The following SLC17A8 variants were observed in gnomAD, a reference collection of about 807,000 sequenced individuals.
SLC17A8 encodes the protein solute carrier family 17 member 8, also known as vesicular glutamate transporter 3.
A neutral mutation model predicts 58.0 loss-of-function variants in SLC17A8; 31 were observed. That is an observed-to-expected ratio of 0.53 (90% CI 0.40 to 0.72). The LOEUF is 0.72. SLC17A8 is among the 30% of genes least tolerant of loss of function. SLC17A8 has a pLI of 0.00. For synonymous variants in SLC17A8, 228 were observed against 249.0 expected (o/e 0.92, Z 0.79); for missense variants, 655 against 727.8 (o/e 0.90, Z 1.15).
intron 1 of SLC17A8, among the ~76,000 whole-genome samples, chr12:100,367,473 C>T (rs1428745080): frequency 2.0e-5 from 3 of 152,152 alleles, no homozygotes; most frequent in Non-Finnish European, 2.9e-5. Flanking sequence ...AGGATGTAGA[C>T]CTGGACCAAC....
chr12:100,412,633 T>C, intron 9 of SLC17A8, 137 bp from the exon 10 acceptor site: 1 of 572,074 alleles, frequency 1.7e-6, no homozygotes. Flanking sequence ...GAACTTAAAG[T>C]AAAAAAAAAA....
chr12:100,399,416 G>A (rs138636279), intron 5 of SLC17A8, among the ~76,000 whole-genome samples: 4 of 152,172 alleles, frequency 2.6e-5, no homozygotes, highest in African/African-American at 9.7e-5. Flanking sequence ...AGGTCACATT[G>A]TGTATTAGTC....
intron 1 of SLC17A8, among the ~76,000 whole-genome samples, chr12:100,379,858 G>A (rs903306974): frequency 6.6e-6 from 1 of 152,078 alleles, no homozygotes. Context: ...GGTGTGCATT[G>A]TGATAGAAAA....
At chr12:100,364,398 T>C (rs149652418) in intron 1 of SLC17A8, among the ~76,000 whole-genome samples, 65 of 152,320 alleles carry the variant, frequency 4.3e-4, no homozygotes, top group Non-Finnish European at 8.4e-4. Flanking sequence ...CCCTCAGGAA[T>C]TGTGCCATCT....
At chr12:100,389,049 C>G (rs1010773063) in intron 2 of SLC17A8, among the ~76,000 whole-genome samples, 3 of 152,188 alleles carry the variant, frequency 2.0e-5, no homozygotes, top group East Asian at 1.9e-4. Flanking sequence ...GGGACCAGTT[C>G]AATTTTCGGG....
intron 8 of SLC17A8, among the ~76,000 whole-genome samples, 181 bp from the exon 9 acceptor site, chr12:100,403,857 C>T (rs1952808017): frequency 6.6e-6 from 1 of 152,184 alleles, no homozygotes; most frequent in South Asian, 2.1e-4. Flanking sequence ...GGTCTAAAAT[C>T]ATTCGCTCAT....
At position 100,420,156 on chromosome 12, in the gene SLC17A8, C is replaced by G; in HGVS notation, c.1767C>G (p.Ser589=). 1 of 1,610,000 alleles carries G rather than the reference C, an allele frequency of 6.2e-7. No homozygotes were observed. The highest frequency in any genetic ancestry group is 8.5e-7 in the Non-Finnish European group (1 of 1,177,600). Residue 589 remains serine (S), a synonymous_variant, in exon 12 of 12, where the codon TCC becomes TCG. Coordinates refer to ENST00000323346, the MANE Select transcript of SLC17A8 (RefSeq NM_139319.3). ...AAGAGAGAAACTTCTCAACTATATC[C>G]TAATGTCTGAGAGGCACTTCTGTCT... ...QNEERNFSTI[S]
intron 1 of SLC17A8, among the ~76,000 whole-genome samples, chr12:100,377,734 G>A (rs1473379898): frequency 3.3e-5 from 5 of 151,804 alleles, no homozygotes; most frequent in Admixed American, 6.6e-5. Context: ...GACTACAGGC[G>A]CGTGCCACCA....
chr12:100,390,912 T>G, intron 2 of SLC17A8, 89 bp from the exon 3 acceptor site: 1 of 850,934 alleles, frequency 1.2e-6, no homozygotes, highest in Non-Finnish European at 2.1e-6. Context: ...AAAGACCTCA[T>G]GAGGTAATTA....
At chr12:100,375,682 T>A (rs999657798) in intron 1 of SLC17A8, among the ~76,000 whole-genome samples, 2 of 152,240 alleles carry the variant, frequency 1.3e-5, no homozygotes, top group African/African-American at 4.8e-5. Flanking sequence ...TCTGCATGTA[T>A]ATAGAGAGCG....
Position 100,357,325 on chromosome 12 carries a change from G to A in SLC17A8, c.-67G>A, listed in dbSNP as rs1952453236. ...AGGGAAACAAGGTGGTTCTCACACT[G>A]GAAATGAGGAAGGATGACAGTTTTT... is the stretch of plus-strand genomic sequence containing the variant. On this transcript the variant is annotated 5_prime_UTR_variant, in exon 1 of 12. Coordinates refer to ENST00000323346, the MANE Select transcript of SLC17A8 (RefSeq NM_139319.3). The A allele has an allele frequency of 3.3e-6, 3 of 913,854 alleles. No homozygotes were observed. The highest frequency in any genetic ancestry group is 2.6e-5 in the South Asian group (2 of 76,860). 56.6% of individuals were successfully genotyped at this position (913,854 alleles called of 1,614,324 possible). A position where few individuals can be genotyped will look rare whatever the true frequency, so the allele number is the denominator to read the frequency against.
chr12:100,404,273 TC>T, intron 9 of SLC17A8, 103 bp downstream of exon 9: 1 of 1,462,712 alleles, frequency 6.8e-7, no homozygotes, highest in Non-Finnish European at 9.5e-7. Flanking sequence ...TTGGAGTGGA[TC>T]TTAAAGACCT....
In SLC17A8 at chr12:100,412,856, G is replaced by A. The variant is rs144447013; in HGVS notation, c.1273G>A (p.Gly425Arg). The change falls in exon 10 of 12, where the codon GGA becomes AGA. Residue 425 changes from glycine to arginine, a missense_variant. Physicochemically the swap from Gly to Arg is moderately radical, Grantham distance 125 (BLOSUM62 -2). Coordinates refer to ENST00000323346, the MANE Select transcript of SLC17A8 (RefSeq NM_139319.3). ...TATCTCCTTTCTGGTACTTGCTGTA[G>A]GATTTAGTGGCTTCGCTATTTCAGG... ...VAISFLVLAVGFSGFAISGFN... is the reference protein window; with the variant it reads ...VAISFLVLAVRFSGFAISGFN... 8.7e-6 allele frequency: 14 copies of A among 1,614,028 alleles called. No individual in the cohort carries two copies. Among genetic ancestry groups the A allele is most frequent in the Non-Finnish European group, 1.1e-5 (13 of 1,179,928 alleles).
At chr12:100,376,936 A>G (rs1427298515) in intron 1 of SLC17A8, among the ~76,000 whole-genome samples, 1 of 152,114 alleles carries the variant, frequency 6.6e-6, no homozygotes, top group Non-Finnish European at 1.5e-5. Context: ...CAGCCTCCGG[A>G]GTAGCTGGGA....
intron 1 of SLC17A8, among the ~76,000 whole-genome samples, chr12:100,364,518 A>T (rs974527858): frequency 1.3e-5 from 2 of 152,312 alleles, no homozygotes; most frequent in South Asian, 2.1e-4. Context: ...TACTCTGTTC[A>T]TAAGTGCACT....
intron 1 of SLC17A8, among the ~76,000 whole-genome samples, chr12:100,376,874 A>G (rs1449253739): frequency 6.6e-6 from 1 of 152,004 alleles, no homozygotes; most frequent in African/African-American, 2.4e-5. Flanking sequence ...CAGCAGTGCA[A>G]TCTCAGCTCA....
intron 2 of SLC17A8, among the ~76,000 whole-genome samples, chr12:100,383,974 G>A (rs536318542): frequency 3.9e-4 from 59 of 152,192 alleles, no homozygotes; most frequent in Middle Eastern, 6.8e-3. Flanking sequence ...CAAAGTGCTG[G>A]GACAAGCATG....
At position 100,393,628 on chromosome 12, in the gene SLC17A8, G is replaced by C. The variant is rs551813074; in HGVS notation, c.588+145G>C. On this transcript the variant is annotated intron_variant, in intron 4 of 11. Transcript: ENST00000323346. ...CTGCTGTTTCCATTCTCTGGTAATGGCTAAAATTGCAAGAATTTTAATTAA... is the reference window on the plus strand; with the variant it reads ...CTGCTGTTTCCATTCTCTGGTAATGCCTAAAATTGCAAGAATTTTAATTAA... The C allele has an allele frequency of 4.2e-5, 27 of 637,234 alleles. No homozygotes were observed. The East Asian group carries it at 8.2e-4, about 19-fold the overall frequency. 39.5% of individuals were successfully genotyped at this position (637,234 alleles called of 1,614,324 possible). A position where few individuals can be genotyped will look rare whatever the true frequency, so the allele number is the denominator to read the frequency against.
intron 2 of SLC17A8, among the ~76,000 whole-genome samples, chr12:100,390,772 C>G (rs1218836337): frequency 2.6e-5 from 4 of 152,096 alleles, no homozygotes; most frequent in African/African-American, 9.7e-5. Context: ...GGCTGAGGTC[C>G]CACCTCAGCC....
Sources: gnomAD v4.1 joint callset for allele counts (sites outside exome capture counted in the v4.1 genomes callset) on GRCh38, gnomAD v4.1.1 for gene constraint, MANE v1.5 for transcripts, NCBI Gene and HGNC (gene_info 2026-07-23, HGNC 2026-07-21) for gene names.